B3GLCT: variants seen among roughly 807,000 people sequenced by gnomAD.
B3GLCT encodes the protein beta 3-glucosyltransferase, also known as beta-1,3-glucosyltransferase.
B3GLCT carries 65 observed loss-of-function variants against 63.4 expected under a neutral mutation model. The ratio of observed to expected loss-of-function variants is 1.03; its 90% confidence interval spans 0.84 to 1.26. The LOEUF is 1.26. B3GLCT is among the 50% of genes most tolerant of loss of function. The pLI is 0.00. For synonymous variants in B3GLCT, 233 were observed against 219.2 expected (o/e 1.06, Z -0.55); for missense variants, 577 against 604.8 (o/e 0.95, Z 0.48).
intron 10 of B3GLCT, among the ~76,000 whole-genome samples, chr13:31,282,257 A>G (rs1873105403): frequency 6.6e-6 from 1 of 152,248 alleles, no homozygotes. Context: ...CCATTATTCT[A>G]AAAGTTTAAC....
chr13:31,201,124 C>G (rs1415984557), intron 1 of B3GLCT, among the ~76,000 whole-genome samples: 1 of 151,338 alleles, frequency 6.6e-6, no homozygotes, highest in Admixed American at 6.6e-5. Flanking sequence ...TTTTTGTCCT[C>G]TAACCCAGAC....
At chr13:31,327,140 T>A (rs995436601) in intron 14 of B3GLCT, among the ~76,000 whole-genome samples, 4 of 152,242 alleles carry the variant, frequency 2.6e-5, no homozygotes, top group African/African-American at 9.6e-5. Context: ...TTTTTTCTTA[T>A]ATTTTACATA....
At chr13:31,292,665 A>T (rs1018795185) in intron 12 of B3GLCT, among the ~76,000 whole-genome samples, 16 of 148,430 alleles carry the variant, frequency 1.1e-4, no homozygotes, top group African/African-American at 3.9e-4. Context: ...TATCCCCTTT[A>T]TCATTTTTTA....
intron 4 of B3GLCT, among the ~76,000 whole-genome samples, chr13:31,244,112 A>G (rs1871082592): frequency 6.6e-6 from 1 of 152,230 alleles, no homozygotes; most frequent in Admixed American, 6.5e-5. Flanking sequence ...AGCTCTTGGT[A>G]ATGTTGATAT....
chr13:31,251,214 C>G lies in B3GLCT; in HGVS notation c.459+3248C>G, dbSNP rs546101876. ...ACTCAGAGACCCCCTCCGAAGGTCA[C>G]CGACTTCAAAGACCAAACGTAGATA... is the stretch of plus-strand genomic sequence containing the variant. On this transcript the variant is annotated intron_variant, in intron 6 of 14. Transcript: ENST00000343307. 3.4e-3 allele frequency among the ~76,000 whole-genome samples: 523 copies of G among 152,286 alleles called. 3 individuals carry two copies. The highest frequency in any genetic ancestry group is 0.012 in the African/African-American group (493 of 41,566).
chr13:31,217,807 A>G (rs1196243443), intron 2 of B3GLCT, among the ~76,000 whole-genome samples: 1 of 152,320 alleles, frequency 6.6e-6, no homozygotes, highest in East Asian at 1.9e-4. Context: ...TTTCTGTAGA[A>G]GTACCATGCT....
Position 31,200,169 on chromosome 13 carries a change from G to C in B3GLCT, c.70+15G>C, listed in dbSNP as rs1342349207. 2 of 1,297,344 alleles carry C rather than the reference G, an allele frequency of 1.5e-6. No homozygotes were observed. Among genetic ancestry groups the C allele is most frequent in the South Asian group, 1.7e-5 (1 of 57,606 alleles). 80.4% of individuals were successfully genotyped at this position (1,297,344 alleles called of 1,614,324 possible). A position where few individuals can be genotyped will look rare whatever the true frequency, so the allele number is the denominator to read the frequency against. ...CTGCTCCCTGGGTAAGTAGCGGGCG[G>C]CCAGGCGCGCAAGGGCGAGGCGTGG... On this transcript the variant is annotated intron_variant, in intron 1 of 14. Coordinates refer to ENST00000343307, the MANE Select transcript of B3GLCT (RefSeq NM_194318.4).
intron 4 of B3GLCT, 82 bp from the exon 5 acceptor site, chr13:31,246,931 TTTTTCTTTTC>T (rs916077071): frequency 4.4e-5 from 43 of 976,758 alleles, no homozygotes; most frequent in African/African-American, 3.1e-4. Flanking sequence ...CTTTTTTTCT[TTTTTCTTTTC>T]TTTTCTTTTC....
At chr13:31,273,666 C>T (rs1593289494) in intron 8 of B3GLCT, among the ~76,000 whole-genome samples, 1 of 151,840 alleles carries the variant, frequency 6.6e-6, no homozygotes, top group Admixed American at 6.6e-5. Context: ...TGGAAAAATC[C>T]TCTGAGCCGT....
intron 1 of B3GLCT, among the ~76,000 whole-genome samples, chr13:31,205,659 G>A (rs1231956517): frequency 1.3e-5 from 2 of 152,168 alleles, no homozygotes; most frequent in East Asian, 3.8e-4. Flanking sequence ...AAGCAACTGG[G>A]ACTACAGGAA....
At chr13:31,207,297 T>TG (rs896522461) in intron 1 of B3GLCT, among the ~76,000 whole-genome samples, 6 of 152,066 alleles carry the variant, frequency 3.9e-5, no homozygotes, top group Admixed American at 3.3e-4. Context: ...ATTTTTTTTT[T>TG]TTGTTTGAAT....
intron 7 of B3GLCT, among the ~76,000 whole-genome samples, chr13:31,267,757 C>T (rs1244034732): frequency 2.6e-5 from 4 of 152,176 alleles, no homozygotes; most frequent in East Asian, 3.9e-4. Flanking sequence ...AGAAATCTTT[C>T]GTGGCCCAAC....
At chr13:31,217,667 A>G (rs913768318) in intron 2 of B3GLCT, among the ~76,000 whole-genome samples, 1 of 152,174 alleles carries the variant, frequency 6.6e-6, no homozygotes, top group African/African-American at 2.4e-5. Flanking sequence ...TGGCTAGCCA[A>G]TTATCCCAGC....
intron 13 of B3GLCT, among the ~76,000 whole-genome samples, chr13:31,323,438 G>C (rs544695026): frequency 6.6e-6 from 1 of 152,006 alleles, no homozygotes; most frequent in Non-Finnish European, 1.5e-5. Context: ...TGTTTCCTTC[G>C]GCCCTTTCAG....
At chr13:31,274,680 CT>C in intron 9 of B3GLCT, 52 bp downstream of exon 9, 1 of 1,602,312 alleles carries the variant, frequency 6.2e-7, no homozygotes, top group Non-Finnish European at 8.6e-7. Flanking sequence ...AATTTAGATG[CT>C]GTGCATAATG....
intron 4 of B3GLCT, among the ~76,000 whole-genome samples, chr13:31,233,992 C>A (rs910598722): frequency 6.7e-6 from 1 of 148,654 alleles, no homozygotes; most frequent in African/African-American, 2.5e-5. Context: ...GAAGGGCCAT[C>A]AGCAGGCAGT....
At chr13:31,262,277 C>T (rs138269553) in intron 7 of B3GLCT, among the ~76,000 whole-genome samples, 18 of 152,310 alleles carry the variant, frequency 1.2e-4, no homozygotes, top group African/African-American at 3.6e-4. Context: ...AATAAATGTA[C>T]GTTATGCTTT....
chr13:31,204,188 G>T (rs1478412157), intron 1 of B3GLCT, among the ~76,000 whole-genome samples: 2 of 152,136 alleles, frequency 1.3e-5, no homozygotes, highest in African/African-American at 4.8e-5. Flanking sequence ...GCCTAGACTG[G>T]GGAGATGGAT....
At chr13:31,271,590 A>G (rs1398622301) in intron 8 of B3GLCT, among the ~76,000 whole-genome samples, 2 of 152,184 alleles carry the variant, frequency 1.3e-5, no homozygotes. Context: ...TTCTAACAGT[A>G]TTATTGTAGT....
Sources: gnomAD v4.1 joint callset for allele counts (sites outside exome capture counted in the v4.1 genomes callset) on GRCh38, gnomAD v4.1.1 for gene constraint, MANE v1.5 for transcripts, NCBI Gene and HGNC (gene_info 2026-07-23, HGNC 2026-07-21) for gene names.